The following NALF1 variants were observed in gnomAD, a reference collection of about 807,000 sequenced individuals.
NALF1 encodes the protein NALCN channel auxiliary factor 1.
Under a neutral mutation model 48.4 loss-of-function variants are expected in NALF1, and 3 were observed. That is an observed-to-expected ratio of 0.06 (90% CI 0.03 to 0.16). The LOEUF is 0.16. Among genes scored for constraint, NALF1 ranks in the 10% least tolerant of loss-of-function variants. The pLI is 1.00. For synonymous variants in NALF1, 262 were observed against 245.7 expected, an observed-to-expected ratio of 1.07 and a Z score of -0.62; for missense variants, 526 against 571.5, an observed-to-expected ratio of 0.92 and a Z score of 0.81.
intron 1 of NALF1, among the ~76,000 whole-genome samples, chr13:107,718,130 A>G (rs945727533): frequency 6.6e-6 from 1 of 152,114 alleles, no homozygotes; most frequent in Non-Finnish European, 1.5e-5. Context: ...TGCTGTAAAC[A>G]TGTGTCCTTG....
chr13:107,291,316 A>C (rs757707340), intron 1 of NALF1, among the ~76,000 whole-genome samples: 5 of 152,034 alleles, frequency 3.3e-5, no homozygotes, highest in Non-Finnish European at 4.4e-5. Context: ...AGCATCCCTA[A>C]TCCAAAAATG....
rs146566119 is a variant in NALF1 at position 107,382,135 on chromosome 13, A to G, written c.916-171380T>C. Reference sequence around the variant, plus strand: ...TCATTTCATTTCCTGTGTTCATTCTATTCTTTCTATTTTCTTCAAATTTAT... The same window carrying G: ...TCATTTCATTTCCTGTGTTCATTCTGTTCTTTCTATTTTCTTCAAATTTAT... On this transcript the variant is annotated intron_variant, in intron 1 of 2. Coordinates refer to ENST00000375915, the MANE Select transcript of NALF1 (RefSeq NM_001080396.3). 4.6e-3 allele frequency among the ~76,000 whole-genome samples: 693 copies of G among 152,218 alleles called. 6 individuals are homozygous for G. The highest frequency in any genetic ancestry group is 0.015 in the African/African-American group (637 of 41,540).
intron 1 of NALF1, among the ~76,000 whole-genome samples, chr13:107,578,638 G>A (rs138539282): frequency 6.6e-6 from 1 of 152,100 alleles, no homozygotes; most frequent in East Asian, 1.9e-4. Flanking sequence ...CTATCAACTA[G>A]ATTGTTGTAT....
chr13:107,584,744 A>T (rs1403857312), intron 1 of NALF1, among the ~76,000 whole-genome samples: 1 of 152,150 alleles, frequency 6.6e-6, no homozygotes, highest in Non-Finnish European at 1.5e-5. Flanking sequence ...GTAGCCACTC[A>T]CTTGGGAGGT....
intron 1 of NALF1, among the ~76,000 whole-genome samples, chr13:107,573,986 C>T (rs567604800): frequency 2.0e-5 from 3 of 152,226 alleles, no homozygotes; most frequent in East Asian, 1.9e-4. Flanking sequence ...ATTCCCCCAT[C>T]GCTCTTTCTT....
At chr13:107,404,091 G>T (rs1883860648) in intron 1 of NALF1, among the ~76,000 whole-genome samples, 1 of 152,224 alleles carries the variant, frequency 6.6e-6, no homozygotes, top group East Asian at 1.9e-4. Flanking sequence ...ACATTGTCAT[G>T]AGAAAGGTAA....
intron 1 of NALF1, among the ~76,000 whole-genome samples, chr13:107,713,627 A>G (rs895843406): frequency 2.0e-5 from 3 of 152,212 alleles, no homozygotes; most frequent in Admixed American, 6.5e-5. Context: ...ACATTGTGCT[A>G]TTATACTCTT....
chr13:107,342,425 T>C (rs1485419934), intron 1 of NALF1, among the ~76,000 whole-genome samples: 1 of 152,122 alleles, frequency 6.6e-6, no homozygotes, highest in Non-Finnish European at 1.5e-5. Flanking sequence ...CCTCAGGATA[T>C]CAATAAGATG....
At chr13:107,288,171 TAGA>T (rs1176803503) in intron 1 of NALF1, among the ~76,000 whole-genome samples, 1 of 151,832 alleles carries the variant, frequency 6.6e-6, no homozygotes, top group Admixed American at 6.6e-5. Flanking sequence ...TTATATTTAA[TAGA>T]AGATTAGTTT....
At chr13:107,830,493 G>T (rs1399990373) in intron 1 of NALF1, among the ~76,000 whole-genome samples, 1 of 152,140 alleles carries the variant, frequency 6.6e-6, no homozygotes, top group Non-Finnish European at 1.5e-5. Flanking sequence ...CTGGAAAATG[G>T]TAACTCACTG....
intron 1 of NALF1, among the ~76,000 whole-genome samples, chr13:107,304,351 G>A (rs185276699): frequency 2.2e-4 from 33 of 152,298 alleles, no homozygotes; most frequent in Admixed American, 8.5e-4. Context: ...ACAAATAAAC[G>A]AGAGATGGAA....
intron 1 of NALF1, among the ~76,000 whole-genome samples, chr13:107,271,807 TA>T (rs1566470759): frequency 0.17 from 7,934 of 46,856 alleles, 439 homozygotes; most frequent in East Asian, 0.31. Flanking sequence ...TATATATATA[TA>T]TATATATATT....
chr13:107,449,255 A>T (rs896925006), intron 1 of NALF1, among the ~76,000 whole-genome samples: 8 of 148,848 alleles, frequency 5.4e-5, no homozygotes, highest in African/African-American at 1.7e-4. Context: ...AAAAAAGAAT[A>T]AAAAAAAAAG....
Position 107,167,814 on chromosome 13 carries a change from G to C in NALF1, c.*2683C>G. 1 of 152,030 alleles carries C rather than the reference G, an allele frequency of 6.6e-6. No individual in the cohort carries two copies. Among genetic ancestry groups the C allele is most frequent in the East Asian group, 1.9e-4 (1 of 5,176 alleles). The allele number at this position is 152,030 out of a possible 1,614,324, so 9.4% of individuals were successfully genotyped here. ...CTTATGTAAAGCAATGGTGGTTTTA[G>C]TTTTCCACCTTTTGGTTGGCATTAT... On this transcript the variant is annotated 3_prime_UTR_variant, in exon 3 of 3. Transcript: ENST00000375915.
At chr13:107,266,519 C>T (rs1267670951) in intron 1 of NALF1, among the ~76,000 whole-genome samples, 3 of 152,182 alleles carry the variant, frequency 2.0e-5, no homozygotes, top group Non-Finnish European at 4.4e-5. Context: ...GTTTCCCACC[C>T]TCTTGTTTTT....
rs191291577 is a variant in NALF1 at position 107,856,814 on chromosome 13, C to T, written c.915+8868G>A. On this transcript the variant is annotated intron_variant, in intron 1 of 2. Coordinates refer to ENST00000375915, the MANE Select transcript of NALF1 (RefSeq NM_001080396.3). ...ACCTGCAACCCACAGGAAAGATGCTCTCTAGGGTGGTGGCCGACAGCTCCC... is the reference window on the plus strand; with the variant it reads ...ACCTGCAACCCACAGGAAAGATGCTTTCTAGGGTGGTGGCCGACAGCTCCC... Among the ~76,000 whole-genome samples, 66 of 152,252 alleles carry T rather than the reference C, an allele frequency of 4.3e-4. No individual in the cohort carries two copies. The Middle Eastern group carries it at 0.017, about 39-fold the overall frequency.
intron 1 of NALF1, among the ~76,000 whole-genome samples, chr13:107,439,431 G>T (rs1340738673): frequency 6.6e-6 from 1 of 152,116 alleles, no homozygotes; most frequent in East Asian, 1.9e-4. Flanking sequence ...CACTGCTCTG[G>T]TTCTGCTGTT....
chr13:107,542,499 T>G (rs1417586590), intron 1 of NALF1, among the ~76,000 whole-genome samples: 1 of 152,148 alleles, frequency 6.6e-6, no homozygotes, highest in Non-Finnish European at 1.5e-5. Context: ...GTATGTCAGT[T>G]ATAAGTCAGT....
intron 1 of NALF1, among the ~76,000 whole-genome samples, chr13:107,419,033 A>T (rs9514682): frequency 0.08 from 12,236 of 152,258 alleles, 649 homozygotes; most frequent in Non-Finnish European, 0.13. Context: ...AATATAAACA[A>T]ATATAAATAA....
Sources: gnomAD v4.1 joint callset for allele counts (sites outside exome capture counted in the v4.1 genomes callset) on GRCh38, gnomAD v4.1.1 for gene constraint, MANE v1.5 for transcripts, NCBI Gene and HGNC (gene_info 2026-07-23, HGNC 2026-07-21) for gene names.